Variants in FAM177B observed in about 807,000 individuals in gnomAD.
FAM177B encodes family with sequence similarity 177 member B.
In FAM177B, 16 loss-of-function variants were observed where a neutral mutation model predicts 16.1. The ratio of observed to expected loss-of-function variants is 0.99; its 90% CI spans 0.67 to 1.51. The LOEUF is 1.51. Ranked by LOEUF, FAM177B falls within the 40% of genes most tolerant of loss-of-function variation. FAM177B has a pLI of 0.00. For missense variants in FAM177B, 178 were observed against 183.7 expected (o/e 0.97, Z 0.18); for synonymous variants, 56 against 59.9 (o/e 0.93, Z 0.30).
rs1658978038 is a variant in FAM177B, at chr1:222,749,861, G to A, written c.340-60G>A. ...CTTACATGGGCATTATATACAAGAG[G>A]GGGAGTTCAGAGGTCTTTGTTTGTA... On this transcript the variant is annotated intron_variant, in intron 5 of 5. Transcript: ENST00000445590. The A allele has an allele frequency of 1.9e-6, 3 of 1,548,110 alleles. No homozygotes were observed. The African/African-American group carries it at 4.1e-5, about 21-fold the overall frequency.
intron 4 of FAM177B, among the ~76,000 whole-genome samples, chr1:222,747,623 T>A (rs1411649760): frequency 6.6e-6 from 1 of 152,206 alleles, no homozygotes; most frequent in Non-Finnish European, 1.5e-5. Flanking sequence ...CTTTCATCAA[T>A]TTTTTTAAGA....
At chr1:222,737,539 A>G (rs1267194005) in intron 1 of FAM177B, among the ~76,000 whole-genome samples, 2 of 152,186 alleles carry the variant, frequency 1.3e-5, no homozygotes, top group Non-Finnish European at 2.9e-5. Flanking sequence ...TGGTCAGGGA[A>G]TTGCAGGAAG....
chr1:222,748,214 A>C (rs1293840916), intron 4 of FAM177B, among the ~76,000 whole-genome samples: 1 of 152,186 alleles, frequency 6.6e-6, no homozygotes. Flanking sequence ...GACCACAATA[A>C]GTTAACAGAA....
rs374181772 is a variant in FAM177B at position 222,749,939 on chromosome 1, G to A, written c.358G>A (p.Glu120Lys). The A allele has an allele frequency of 9.9e-6, 16 of 1,613,976 alleles. No homozygotes were observed. The African/African-American group carries it at 2.1e-4, about 22-fold the overall frequency. Residue 120 changes from glutamate to lysine, a missense_variant, in exon 6 of 6, where the codon GAA becomes AAA. Coordinates refer to ENST00000445590, the MANE Select transcript of FAM177B (RefSeq NM_001394345.1). Reference protein sequence around the residue: ...IQNKKSDNKSERRGSKAQAAE... With the variant: ...IQNKKSDNKSKRRGSKAQAAE... Reference sequence around the variant, plus strand: ...AAAACAGAAAAGTGACAACAAAAGTGAAAGGAGAGGATCAAAGGCCCAGGC... The same window carrying A: ...AAAACAGAAAAGTGACAACAAAAGTAAAAGGAGAGGATCAAAGGCCCAGGC...
chr1:222,741,896 C>G (rs1658561206), intron 2 of FAM177B, among the ~76,000 whole-genome samples: 2 of 43,630 alleles, frequency 4.6e-5, no homozygotes, highest in Non-Finnish European at 9.4e-5. Flanking sequence ...TTCCCTCCCT[C>G]CCTCCCTCCC....
At chr1:222,749,014 C>G in intron 4 of FAM177B, 1 of 472,170 alleles carries the variant, frequency 2.1e-6, no homozygotes, top group South Asian at 1.6e-5. Flanking sequence ...AGGCCTTAAA[C>G]AACTTCTGAG....
At chr1:222,745,870 C>T (rs979683310) in intron 2 of FAM177B, among the ~76,000 whole-genome samples, 3 of 152,290 alleles carry the variant, frequency 2.0e-5, no homozygotes, top group African/African-American at 7.2e-5. Context: ...GCCGAGATCA[C>T]GCCATTGCAC....
Position 222,750,004 on chromosome 1 carries a change from G to C in FAM177B, c.423G>C (p.Gly141=), listed in dbSNP as rs766077031. ...VPNEKCHLEA[G]VQEYGTIQQD... The stretch of plus-strand genomic sequence containing the variant: ...ATGAAAAGTGTCACTTGGAGGCTGG[G>C]GTCCAAGAGTATGGAACCATACAAC... Residue 141 remains glycine, a synonymous_variant, in exon 6 of 6, where the codon GGG becomes GGC. Coordinates refer to ENST00000445590, the MANE Select transcript of FAM177B (RefSeq NM_001394345.1). The C allele has an allele frequency of 6.2e-7, 1 of 1,614,026 alleles. No homozygotes were observed. The highest frequency in any genetic ancestry group is 8.5e-7 in the Non-Finnish European group (1 of 1,179,958).
chr1:222,748,766 T>C (rs972063194), intron 4 of FAM177B, among the ~76,000 whole-genome samples: 1 of 152,130 alleles, frequency 6.6e-6, no homozygotes, highest in Non-Finnish European at 1.5e-5. Context: ...AAAAACAGCA[T>C]CATTTTGATG....
At position 222,749,152 on chromosome 1, in the gene FAM177B, C is replaced by A. The variant is rs980792463; in HGVS notation, c.242-313C>A. Reference sequence around the variant, plus strand: ...GTATGCATGGGGATAATGAACAATACCTGTTCTGATTGCTCAGGACCCATG... The same window carrying A: ...GTATGCATGGGGATAATGAACAATAACTGTTCTGATTGCTCAGGACCCATG... On this transcript the variant is annotated intron_variant, in intron 4 of 5. Coordinates refer to ENST00000445590, the MANE Select transcript of FAM177B (RefSeq NM_001394345.1). The A allele has an allele frequency of 3.1e-5, 14 of 450,618 alleles. No homozygotes were observed. In the East Asian group the frequency reaches 7.7e-4, roughly 25 times the overall value. The allele number at this position is 450,618 out of a possible 1,614,324, so 27.9% of individuals were successfully genotyped here.
At chr1:222,744,928 C>T (rs1332480974) in intron 2 of FAM177B, among the ~76,000 whole-genome samples, 3 of 152,212 alleles carry the variant, frequency 2.0e-5, no homozygotes, top group Non-Finnish European at 2.9e-5. Context: ...CTCCCTTTGT[C>T]ACTTTATAGT....
intron 4 of FAM177B, among the ~76,000 whole-genome samples, chr1:222,748,748 A>T (rs1409577530): frequency 6.6e-6 from 1 of 152,236 alleles, no homozygotes; most frequent in Non-Finnish European, 1.5e-5. Flanking sequence ...AAAAGATAAG[A>T]CATATTTAAA....
rs752724657 is a variant in FAM177B at position 222,747,100 on chromosome 1, A to AT, written c.241+26dup. The AT allele has an allele frequency of 5.2e-6, 8 of 1,542,080 alleles. No homozygotes were observed. The highest frequency in any genetic ancestry group is 1.1e-5 in the South Asian group (1 of 89,638). On this transcript the variant is annotated intron_variant, in intron 4 of 5. Coordinates refer to ENST00000445590, the MANE Select transcript of FAM177B (RefSeq NM_001394345.1). ...TTTTCTAGTAAGTACTGCTAAGGTT[A>AT]TTTTTTTCTATCCTAAACAAATATA...
In FAM177B at chr1:222,746,646, T is replaced by A; in HGVS notation, c.101T>A (p.Met34Lys). 1 of 1,613,658 alleles carries A rather than the reference T, an allele frequency of 6.2e-7. No homozygotes were observed. Among genetic ancestry groups the A allele is most frequent in the Admixed American group, 1.7e-5 (1 of 60,022 alleles). ...RIIHFVDGDI[M>K]EEYSTEEEEE... ...ATCCATTTTGTTGACGGAGACATCA[T>A]GGAAGAATATAGCACAGAGGAGGAG... Residue 34 changes from methionine (M) to lysine (K), a missense_variant, in exon 3 of 6, where the codon ATG (methionine) becomes AAG (lysine). Physicochemically the swap from Met to Lys is moderately conservative, Grantham distance 95. Transcript: ENST00000445590.
chr1:222,740,991 G>A (rs771072916), intron 2 of FAM177B, among the ~76,000 whole-genome samples: 47 of 151,306 alleles, frequency 3.1e-4, no homozygotes, highest in Admixed American at 1.6e-3. Context: ...GAGCCACCGC[G>A]CCCGGGTTTG....
intron 2 of FAM177B, among the ~76,000 whole-genome samples, chr1:222,738,931 A>T (rs1658406550): frequency 6.6e-6 from 1 of 152,196 alleles, no homozygotes; most frequent in Non-Finnish European, 1.5e-5. Flanking sequence ...GTGCTCATTC[A>T]CGGTCTCTCT....
intron 2 of FAM177B, among the ~76,000 whole-genome samples, chr1:222,744,195 G>A (rs1165258494): frequency 1.3e-5 from 2 of 152,188 alleles, no homozygotes; most frequent in Non-Finnish European, 2.9e-5. Flanking sequence ...ATGAGGCCAG[G>A]CATGGTGGCT....
rs1004820509 is a variant in FAM177B at position 222,746,576 on chromosome 1, C to T, written c.31C>T (p.Leu11=). The T allele has an allele frequency of 2.5e-6, 4 of 1,608,558 alleles. No homozygotes were observed. Among genetic ancestry groups the T allele is most frequent in the African/African-American group, 1.3e-5 (1 of 74,752 alleles). Residue 11 remains leucine, a synonymous_variant, in exon 3 of 6, where the codon CTA becomes TTA. Transcript: ENST00000445590. ...GATTGACGGTTTCCAGCAGTTAGAC[C>T]TAGAGAAGAGTGTACCTTCCAAAAA... The part of the protein sequence containing the change: MEIDGFQQLD[L]EKSVPSKKTT...
At chr1:222,745,488 G>A (rs550150688) in intron 2 of FAM177B, among the ~76,000 whole-genome samples, 9 of 152,246 alleles carry the variant, frequency 5.9e-5, no homozygotes, top group East Asian at 1.9e-4. Context: ...TTGGTGGCAC[G>A]CACCTGTGGT....
Sources: allele counts gnomAD v4.1 joint callset (sites outside exome capture counted in the v4.1 genomes callset), GRCh38; gene constraint gnomAD v4.1.1; transcripts MANE v1.5; gene names NCBI Gene and HGNC (gene_info 2026-07-23, HGNC 2026-07-21).